Variants in BAAT observed in about 807,000 individuals in gnomAD.
BAAT encodes bile acid CoA: amino acid N-acyltransferase (glycine N-choloyltransferase).
BAAT carries 13 observed loss-of-function variants against 18.9 expected under a neutral mutation model. The ratio of observed to expected loss-of-function variants is 0.69; its 90% CI spans 0.45 to 1.10. BAAT has a LOEUF of 1.10. Among genes scored for constraint, BAAT ranks in the 50% least tolerant of loss-of-function variants. BAAT has a pLI of 0.00. For synonymous variants in BAAT, 170 were observed against 190.7 expected, an observed-to-expected ratio of 0.89 and a Z score of 0.89; for missense variants, 489 against 504.0, an observed-to-expected ratio of 0.97 and a Z score of 0.28.
chr9:101,379,206 T>C (rs1208653412), intron 1 of BAAT, among the ~76,000 whole-genome samples: 5 of 152,190 alleles, frequency 3.3e-5, no homozygotes, highest in Admixed American at 2.6e-4. Context: ...AGAAATACCA[T>C]TGTTAGGAGG....
chr9:101,380,145 T>C (rs1001149959), intron 1 of BAAT, among the ~76,000 whole-genome samples: 2 of 77,602 alleles, frequency 2.6e-5, no homozygotes, highest in Non-Finnish European at 5.7e-5. Context: ...CAACTCCATC[T>C]TGAATTCTAA....
At chr9:101,363,793 T>C (rs1829777324) in intron 3 of BAAT, among the ~76,000 whole-genome samples, 2 of 151,916 alleles carry the variant, frequency 1.3e-5, no homozygotes, top group East Asian at 3.9e-4. Context: ...AACAAATGAG[T>C]CTTCGTATTA....
chr9:101,376,156 C>A, intron 1 of BAAT: 1 of 168,396 alleles, frequency 5.9e-6, no homozygotes, highest in South Asian at 1.6e-4. Context: ...GGTTAGGTCC[C>A]TTGAGAACTG....
At position 101,376,806 on chromosome 9, in the gene BAAT, T is replaced by C. The variant is rs530369686; in HGVS notation, c.-59-5343A>G. Among the ~76,000 whole-genome samples the C allele has an allele frequency of 4.6e-5, 7 of 152,308 alleles. No individual in the cohort carries two copies. The South Asian group carries it at 1.4e-3, about 32-fold the overall frequency. ...TTCAAAATGAATGGAAGAAATGATA[T>C]AGATACAAATAAATAGATCTAAAAG... On this transcript the variant is annotated intron_variant, in intron 1 of 3. Transcript: ENST00000259407.
chr9:101,378,133 T>G (rs922377212), intron 1 of BAAT, among the ~76,000 whole-genome samples: 1 of 152,198 alleles, frequency 6.6e-6, no homozygotes, highest in Non-Finnish European at 1.5e-5. Context: ...AATAATTCCA[T>G]GCTCATTGAT....
At chr9:101,367,430 T>C (rs1394865447) in intron 3 of BAAT, among the ~76,000 whole-genome samples, 1 of 152,088 alleles carries the variant, frequency 6.6e-6, no homozygotes, top group Non-Finnish European at 1.5e-5. Flanking sequence ...CAGAAAGTTT[T>C]GTCTAACATT....
chr9:101,366,039 C>G (rs1301925982), intron 3 of BAAT, among the ~76,000 whole-genome samples: 3 of 152,044 alleles, frequency 2.0e-5, no homozygotes, highest in Admixed American at 2.0e-4. Context: ...TTATTATTAA[C>G]TATAGTCACC....
In BAAT at chr9:101,371,016, C is replaced by CT. The variant is rs1192448491; in HGVS notation, c.388dup (p.Arg130LysfsTer12). On this transcript the variant is annotated frameshift_variant, in exon 2 of 4. Coordinates refer to ENST00000259407, the MANE Select transcript of BAAT (RefSeq NM_001701.4). LOFTEE classifies it high-confidence loss of function. The stretch of plus-strand genomic sequence containing the variant: ...TGTGACACCAGGTGCCACATACCAC[C>CT]TCTCCAAAGTCAGGCTGGCCTTTGG... 1.9e-6 allele frequency: 3 copies of CT among 1,614,132 alleles called. No homozygotes were observed. In the East Asian group the frequency reaches 6.7e-5, roughly 36 times the overall value.
At chr9:101,377,650 T>A (rs1266327466) in intron 1 of BAAT, among the ~76,000 whole-genome samples, 1 of 152,212 alleles carries the variant, frequency 6.6e-6, no homozygotes, top group African/African-American at 2.4e-5. Context: ...GCCAATATCA[T>A]AATGAATGGG....
chr9:101,368,208 T>C lies in BAAT; in HGVS notation c.581A>G (p.His194Arg), dbSNP rs767086632. The C allele has an allele frequency of 6.8e-6, 11 of 1,613,960 alleles. No homozygotes were observed. The highest frequency in any genetic ancestry group is 8.5e-6 in the Non-Finnish European group (10 of 1,179,966). Residue 194 changes from histidine (H) to arginine (R), a missense_variant, in exon 3 of 4, where the codon CAT becomes CGT. Transcript: ENST00000259407. Reference protein sequence around the residue: ...RGFASLALAYHNYEDLPRKPE... With the variant: ...RGFASLALAYRNYEDLPRKPE... Reference sequence around the variant, plus strand: ...TTTGCGGGGCAGGTCTTCATAGTTATGGTAAGCCAAGGCCAAGGAGGCGAA... The same window carrying C: ...TTTGCGGGGCAGGTCTTCATAGTTACGGTAAGCCAAGGCCAAGGAGGCGAA...
chr9:101,376,673 CGCACAAAGACTA>C, intron 1 of BAAT: 2 of 152,262 alleles, frequency 1.3e-5, no homozygotes, highest in South Asian at 4.2e-4. Flanking sequence ...CTCCCACTCA[CGCACAAAGACTA>C]GCTGCATTGT....
chr9:101,379,367 T>C (rs568497100), intron 1 of BAAT, among the ~76,000 whole-genome samples: 1 of 152,332 alleles, frequency 6.6e-6, no homozygotes, highest in East Asian at 1.9e-4. Context: ...ATTCACCCAA[T>C]TTATACAGCT....
At chr9:101,384,049 T>C (rs192381616) in intron 1 of BAAT, among the ~76,000 whole-genome samples, 327 of 152,252 alleles carry the variant, frequency 2.1e-3, no homozygotes, top group Non-Finnish European at 3.5e-3. Flanking sequence ...TACATGACAA[T>C]AAAAGGACTA....
intron 3 of BAAT, among the ~76,000 whole-genome samples, chr9:101,366,832 A>G (rs1829837297): frequency 6.6e-6 from 1 of 151,898 alleles, no homozygotes; most frequent in African/African-American, 2.4e-5. Flanking sequence ...TGTAGTATGG[A>G]GATTTAATTT....
intron 1 of BAAT, 28 bp from the exon 2 acceptor site, chr9:101,371,491 A>G (rs926311571): frequency 2.3e-6 from 3 of 1,312,766 alleles, no homozygotes; most frequent in East Asian, 4.9e-5. Context: ...GAGGAGCAGT[A>G]AAATAAAGTA....
At chr9:101,369,531 C>A (rs1003084391) in intron 2 of BAAT, among the ~76,000 whole-genome samples, 3 of 152,140 alleles carry the variant, frequency 2.0e-5, no homozygotes, top group African/African-American at 7.2e-5. Context: ...GCGGGAGACC[C>A]AGCACATGCA....
At chr9:101,365,597 C>T (rs1251613741) in intron 3 of BAAT, among the ~76,000 whole-genome samples, 1 of 151,912 alleles carries the variant, frequency 6.6e-6, no homozygotes, top group East Asian at 1.9e-4. Context: ...AGTGTGGTGG[C>T]TCAATCTCGG....
rs929291596 is a variant in BAAT, at chr9:101,362,327, ATG to A, written c.*99_*100del. The A allele has an allele frequency of 5.8e-6, 7 of 1,217,080 alleles. No homozygotes were observed. The African/African-American group carries it at 7.5e-5, about 13-fold the overall frequency. 75.4% of individuals were successfully genotyped at this position (1,217,080 alleles called of 1,614,324 possible). On this transcript the variant is annotated 3_prime_UTR_variant, in exon 4 of 4. Transcript: ENST00000259407. ...TTTTAATCATTAAAATTAATACAAAATGTGTGTGTGGCAGCTGGGGGAGACAT... is the reference window on the plus strand; with the variant it reads ...TTTTAATCATTAAAATTAATACAAAATGTGTGTGGCAGCTGGGGGAGACAT...
intron 3 of BAAT, 77 bp from the exon 4 acceptor site, chr9:101,363,092 A>G: frequency 3.7e-6 from 5 of 1,364,710 alleles, no homozygotes; most frequent in Non-Finnish European, 5.1e-6. Flanking sequence ...CAACCAAAGA[A>G]CTTCACTGGC....
Sources: allele counts gnomAD v4.1 joint callset (sites outside exome capture counted in the v4.1 genomes callset), GRCh38; gene constraint gnomAD v4.1.1; transcripts MANE v1.5; gene names NCBI Gene and HGNC (gene_info 2026-07-23, HGNC 2026-07-21).